KCNN2: variants seen among roughly 807,000 people sequenced by gnomAD.
KCNN2 encodes the protein potassium calcium-activated channel subfamily N member 2.
Under a neutral mutation model 55.5 loss-of-function variants are expected in KCNN2, and 24 were observed. The observed-to-expected ratio is 0.43, with a 90% CI of 0.31 to 0.61. The LOEUF is 0.61. Among genes scored for constraint, KCNN2 ranks in the 20% least tolerant of loss-of-function variants. KCNN2 has a pLI of 0.08. For synonymous variants in KCNN2, 431 were observed against 336.1 expected (o/e 1.28, Z -3.09); for missense variants, 754 against 853.6 (o/e 0.88, Z 1.45).
chr5:114,170,685 T>C (rs1753014151), intron 1 of KCNN2, among the ~76,000 whole-genome samples: 1 of 151,988 alleles, frequency 6.6e-6, no homozygotes, highest in Non-Finnish European at 1.5e-5. Flanking sequence ...CCTTAAATAT[T>C]TGTACTCAGT....
chr5:114,209,761 A>T lies in KCNN2; in HGVS notation c.-270-11719A>T, dbSNP rs1339506090. Among the ~76,000 whole-genome samples the T allele has an allele frequency of 2.6e-5, 4 of 152,202 alleles. No homozygotes were observed. In the East Asian group the frequency reaches 7.7e-4, roughly 29 times the overall value. ...GTTCAGCTTTCTTTCTCCTAAAATT[A>T]TAAGATTTCCCTATAAACCCAGATG... On this transcript the variant is annotated intron_variant, in intron 1 of 10. Coordinates refer to the KCNN2 transcript ENST00000512097.
intron 1 of KCNN2, among the ~76,000 whole-genome samples, chr5:114,117,629 G>T (rs1751731589): frequency 6.6e-6 from 1 of 152,202 alleles, no homozygotes; most frequent in Non-Finnish European, 1.5e-5. Context: ...AGGCCTGGGG[G>T]AAATAAGATT....
chr5:114,371,967 AT>A (rs1321598012), intron 2 of KCNN2, among the ~76,000 whole-genome samples: 2 of 152,168 alleles, frequency 1.3e-5, no homozygotes, highest in Non-Finnish European at 2.9e-5. Flanking sequence ...TAAAATTGTT[AT>A]TGAACTAAAT....
chr5:114,126,579 C>T (rs1160654305), intron 1 of KCNN2, among the ~76,000 whole-genome samples: 1 of 152,130 alleles, frequency 6.6e-6, no homozygotes, highest in African/African-American at 2.4e-5. Flanking sequence ...ATGGGAACTA[C>T]AATTCAAGAT....
At chr5:114,239,807 A>C (rs1246749763) in intron 2 of KCNN2, among the ~76,000 whole-genome samples, 2 of 152,188 alleles carry the variant, frequency 1.3e-5, no homozygotes, top group Non-Finnish European at 2.9e-5. Flanking sequence ...TGAGATCTTC[A>C]TTTGATGTCA....
intron 1 of KCNN2, among the ~76,000 whole-genome samples, chr5:114,193,267 A>G (rs1341250084): frequency 1.3e-5 from 2 of 152,022 alleles, no homozygotes; most frequent in East Asian, 3.9e-4. Flanking sequence ...TGGATGGGGA[A>G]CTGGACTCGT....
At chr5:114,149,954 C>T (rs534088548) in intron 1 of KCNN2, among the ~76,000 whole-genome samples, 3 of 152,174 alleles carry the variant, frequency 2.0e-5, no homozygotes, top group East Asian at 1.9e-4. Context: ...CTCATGCGTC[C>T]GTTTATAGGC....
At chr5:114,308,107 G>C (rs1756321234) in intron 2 of KCNN2, among the ~76,000 whole-genome samples, 1 of 152,130 alleles carries the variant, frequency 6.6e-6, no homozygotes, top group East Asian at 1.9e-4. Context: ...CTTTGCTGAA[G>C]TTTCTCCTAT....
rs886651069 is a variant in KCNN2 at position 114,246,054 on chromosome 5, A to C, written c.-185+24489A>C. On this transcript the variant is annotated intron_variant, in intron 2 of 10. Transcript: ENST00000512097. ...AGGATCAGGGTGGTCTTCAAGCTTC[A>C]GTACAGTACCATGACTTTGATCTCT... is the stretch of plus-strand genomic sequence containing the variant. Among the ~76,000 whole-genome samples the C allele has an allele frequency of 3.3e-5, 5 of 152,226 alleles. No individual in the cohort carries two copies. In the South Asian group the frequency reaches 1.0e-3, roughly 31 times the overall value.
intron 1 of KCNN2, among the ~76,000 whole-genome samples, chr5:114,069,804 A>G (rs937775992): frequency 3.9e-5 from 6 of 152,176 alleles, no homozygotes; most frequent in African/African-American, 1.4e-4. Context: ...CACAACTGTC[A>G]TCTCTTCCTT....
At position 114,232,231 on chromosome 5, in the gene KCNN2, C is replaced by T. The variant is rs750786995; in HGVS notation, c.-185+10666C>T. ...TCATTGAATAGAGGATTAATGGTCTCGTCTGAATTAGAAATAGGATGAGAA... is the reference window on the plus strand; with the variant it reads ...TCATTGAATAGAGGATTAATGGTCTTGTCTGAATTAGAAATAGGATGAGAA... On this transcript the variant is annotated intron_variant, in intron 2 of 10. Transcript: ENST00000512097. Among the ~76,000 whole-genome samples the T allele has an allele frequency of 4.6e-5, 7 of 150,664 alleles. 1 individual carries two copies. The highest frequency in any genetic ancestry group is 1.7e-4 in the African/African-American group (7 of 40,186).
intron 7 of KCNN2, among the ~76,000 whole-genome samples, chr5:114,494,893 G>A (rs1452237642): frequency 6.6e-6 from 1 of 152,136 alleles, no homozygotes; most frequent in African/African-American, 2.4e-5. Context: ...TTAAAAGATT[G>A]TTAAGCAGAA....
chr5:114,367,153 C>T (rs1757625246), intron 2 of KCNN2, among the ~76,000 whole-genome samples: 1 of 152,124 alleles, frequency 6.6e-6, no homozygotes, highest in African/African-American at 2.4e-5. Context: ...TCTGGCAAAA[C>T]AAGATGGTTC....
At chr5:114,157,728 G>A (rs1174202299) in intron 1 of KCNN2, among the ~76,000 whole-genome samples, 1 of 152,116 alleles carries the variant, frequency 6.6e-6, no homozygotes, top group Admixed American at 6.5e-5. Context: ...TCTCATTATG[G>A]TTTTGATTTG....
intron 2 of KCNN2, among the ~76,000 whole-genome samples, chr5:114,377,001 A>T (rs908412040): frequency 7.2e-5 from 11 of 152,158 alleles, no homozygotes; most frequent in Admixed American, 6.5e-4. Flanking sequence ...AGATGGCTTG[A>T]GCCCAGGAGT....
At chr5:114,097,354 T>C (rs760414740) in intron 1 of KCNN2, among the ~76,000 whole-genome samples, 4 of 152,174 alleles carry the variant, frequency 2.6e-5, no homozygotes, top group Non-Finnish European at 5.9e-5. Flanking sequence ...GGATAAAGAC[T>C]GTTGTAATAC....
intron 2 of KCNN2, among the ~76,000 whole-genome samples, chr5:114,296,127 C>A (rs1401590219): frequency 6.6e-6 from 1 of 152,172 alleles, no homozygotes; most frequent in South Asian, 2.1e-4. Flanking sequence ...AGATTAAGAG[C>A]TCTTGTTTAA....
chr5:114,159,411 T>A (rs1752715012), intron 1 of KCNN2, among the ~76,000 whole-genome samples: 1 of 152,196 alleles, frequency 6.6e-6, no homozygotes, highest in Non-Finnish European at 1.5e-5. Context: ...TTGGCAGTAT[T>A]TTATTGAGGA....
intron 1 of KCNN2, among the ~76,000 whole-genome samples, chr5:114,141,128 T>C (rs986247025): frequency 1.3e-5 from 2 of 152,062 alleles, no homozygotes; most frequent in Non-Finnish European, 2.9e-5. Context: ...AGTAAAGCTT[T>C]CTTTTTTTAT....
Sources: gnomAD v4.1 joint callset for allele counts (sites outside exome capture counted in the v4.1 genomes callset) on GRCh38, gnomAD v4.1.1 for gene constraint, MANE v1.5 for transcripts, NCBI Gene and HGNC (gene_info 2026-07-23, HGNC 2026-07-21) for gene names.